Variants in ASIC2 observed in about 807,000 individuals in gnomAD.
ASIC2 encodes the protein acid sensing ion channel subunit 2, also known as acid-sensing ion channel 2.
In ASIC2, 25 loss-of-function variants were observed where a neutral mutation model predicts 57.3. The ratio of observed to expected loss-of-function variants is 0.44; its 90% CI spans 0.32 to 0.61. The LOEUF is 0.61. ASIC2 is among the 20% of genes least tolerant of loss of function. The pLI, the probability that ASIC2 is intolerant of heterozygous loss-of-function variation, is 0.06. For missense variants in ASIC2, 641 were observed against 738.1 expected, an observed-to-expected ratio of 0.87 and a Z score of 1.52; for synonymous variants, 319 against 307.5, an observed-to-expected ratio of 1.04 and a Z score of -0.39.
intron 1 of ASIC2, among the ~76,000 whole-genome samples, chr17:33,577,249 A>T (rs985693325): frequency 1.3e-5 from 2 of 152,192 alleles, no homozygotes; most frequent in Non-Finnish European, 2.9e-5. Flanking sequence ...GAGGAGTCCA[A>T]GGCTTCTGGA....
At chr17:33,291,165 A>C in intron 1 of ASIC2, 1 of 737,982 alleles carries the variant, frequency 1.4e-6, no homozygotes, top group East Asian at 3.1e-5. Context: ...CTGACACTGG[A>C]AGGAGGGGCT....
chr17:33,995,922 A>G (rs919806570), intron 1 of ASIC2, among the ~76,000 whole-genome samples: 1 of 152,216 alleles, frequency 6.6e-6, no homozygotes, highest in African/African-American at 2.4e-5. Flanking sequence ...AGGAACTACC[A>G]TACTGTTTTC....
chr17:33,628,609 A>G (rs1413519700), intron 1 of ASIC2, among the ~76,000 whole-genome samples: 1 of 151,948 alleles, frequency 6.6e-6, no homozygotes, highest in Non-Finnish European at 1.5e-5. Context: ...CTGGCTTTTT[A>G]AAAGCAGGGA....
At chr17:34,130,594 A>C (rs1296135673) in intron 1 of ASIC2, among the ~76,000 whole-genome samples, 3 of 152,342 alleles carry the variant, frequency 2.0e-5, no homozygotes, top group African/African-American at 7.2e-5. Context: ...TTCAATGCCC[A>C]CACCTTTCCT....
intron 1 of ASIC2, among the ~76,000 whole-genome samples, chr17:33,890,240 GCTCT>G (rs1914929681): frequency 1.3e-5 from 2 of 152,148 alleles, no homozygotes; most frequent in Admixed American, 6.5e-5. Context: ...CTATTGGACA[GCTCT>G]CTATTTGCTG....
chr17:34,004,167 A>G (rs1906445647), intron 1 of ASIC2: 1 of 152,116 alleles, frequency 6.6e-6, no homozygotes, highest in African/African-American at 2.4e-5. Flanking sequence ...AAGGAGAAGG[A>G]GTAAAGTATG....
At chr17:33,175,067 C>T (rs574581465) in intron 1 of ASIC2, among the ~76,000 whole-genome samples, 22 of 152,056 alleles carry the variant, frequency 1.4e-4, no homozygotes, top group African/African-American at 4.8e-4. Context: ...TTCTTTCCGA[C>T]GAATAAAATT....
intron 1 of ASIC2, among the ~76,000 whole-genome samples, chr17:34,062,074 C>T (rs1250171635): frequency 6.6e-6 from 1 of 152,118 alleles, no homozygotes; most frequent in Non-Finnish European, 1.5e-5. Flanking sequence ...AATACACATT[C>T]TATTCGACAG....
At chr17:34,153,062 C>G (rs1267901773) in intron 1 of ASIC2, among the ~76,000 whole-genome samples, 1 of 152,220 alleles carries the variant, frequency 6.6e-6, no homozygotes, top group Non-Finnish European at 1.5e-5. Flanking sequence ...TTACCCTCCG[C>G]AGACAGCCTT....
intron 1 of ASIC2, among the ~76,000 whole-genome samples, chr17:33,235,731 A>G (rs1460016112): frequency 6.6e-6 from 1 of 152,174 alleles, no homozygotes; most frequent in African/African-American, 2.4e-5. Flanking sequence ...TTGGTGCCAG[A>G]TTAAGATGAA....
intron 1 of ASIC2, among the ~76,000 whole-genome samples, chr17:33,714,250 A>T (rs151031028): frequency 6.6e-6 from 1 of 152,238 alleles, no homozygotes; most frequent in African/African-American, 2.4e-5. Flanking sequence ...TAAGGTACTC[A>T]ATCAGTCCTA....
chr17:33,820,985 T>C (rs1186914232), intron 1 of ASIC2, among the ~76,000 whole-genome samples: 2 of 152,236 alleles, frequency 1.3e-5, no homozygotes, highest in African/African-American at 4.8e-5. Flanking sequence ...GCCTCTCATC[T>C]AGGTACAAAC....
Position 33,938,479 on chromosome 17 carries a change from C to T in ASIC2, c.555+217499G>A, listed in dbSNP as rs368648215. ...AAAAGGTGTCATGTTCCCTATATTC[C>T]CAGTAATAATATCTGAGATTTATAA... On this transcript the variant is annotated intron_variant, in intron 1 of 9. Coordinates refer to the ASIC2 transcript ENST00000359872. 3.3e-5 allele frequency among the ~76,000 whole-genome samples: 5 copies of T among 152,298 alleles called. No individual in the cohort carries two copies. The East Asian group carries it at 9.7e-4, about 29-fold the overall frequency.
chr17:33,346,444 G>A (rs1907953120), intron 1 of ASIC2, among the ~76,000 whole-genome samples: 1 of 152,044 alleles, frequency 6.6e-6, no homozygotes, highest in South Asian at 2.1e-4. Flanking sequence ...TTCTGAGATA[G>A]AAAGAATCGG....
chr17:33,464,530 T>TC (rs1567621144), intron 1 of ASIC2, among the ~76,000 whole-genome samples: 3 of 43,954 alleles, frequency 6.8e-5, no homozygotes, highest in Admixed American at 4.2e-4. Flanking sequence ...CTTTCTTTCT[T>TC]TCTTTCTTTC....
intron 1 of ASIC2, among the ~76,000 whole-genome samples, chr17:33,822,015 C>T (rs899478355): frequency 6.6e-6 from 1 of 152,182 alleles, no homozygotes; most frequent in Non-Finnish European, 1.5e-5. Flanking sequence ...TGGTTGGAAT[C>T]TTGGTTTGAC....
chr17:33,181,015 A>G (rs898032807), intron 1 of ASIC2, among the ~76,000 whole-genome samples: 1 of 152,120 alleles, frequency 6.6e-6, no homozygotes. Context: ...TTGGCTGAGG[A>G]AAAATAAAAA....
chr17:33,879,728 T>C (rs1914650358), intron 1 of ASIC2, among the ~76,000 whole-genome samples: 1 of 152,158 alleles, frequency 6.6e-6, no homozygotes, highest in East Asian at 1.9e-4. Flanking sequence ...TATCCAGGAA[T>C]TGAATTCAGC....
intron 1 of ASIC2, among the ~76,000 whole-genome samples, chr17:33,698,350 T>C (rs1908593902): frequency 6.6e-6 from 1 of 152,222 alleles, no homozygotes; most frequent in Admixed American, 6.5e-5. Flanking sequence ...ATCTACTTCA[T>C]CGTGTTGTCA....
Sources: allele counts gnomAD v4.1 joint callset (sites outside exome capture counted in the v4.1 genomes callset), GRCh38; gene constraint gnomAD v4.1.1; transcripts MANE v1.5; gene names NCBI Gene and HGNC (gene_info 2026-07-23, HGNC 2026-07-21).